Variants in ADAMTS6 observed in about 807,000 individuals in gnomAD.
ADAMTS6 encodes the protein A disintegrin and metalloproteinase with thrombospondin motifs 6.
ADAMTS6 carries 23 observed loss-of-function variants against 144.3 expected under a neutral mutation model. That is an observed-to-expected ratio of 0.16 (90% confidence interval 0.11 to 0.23). The LOEUF (loss-of-function observed/expected upper bound fraction) is 0.23, where lower values mean the gene tolerates loss of function less well. Among genes scored for constraint, ADAMTS6 ranks in the 10% least tolerant of loss-of-function variants. The pLI is 1.00. For missense variants in ADAMTS6, 999 were observed against 1,379.6 expected (o/e 0.72, Z 4.37); for synonymous variants, 444 against 457.5 (o/e 0.97, Z 0.38).
intron 24 of ADAMTS6, 130 bp from the exon 25 acceptor site, chr5:65,152,075 G>A: frequency 1.5e-6 from 1 of 655,538 alleles, no homozygotes; most frequent in Non-Finnish European, 2.6e-6. Flanking sequence ...ACCTCCATGT[G>A]GTTTTTGTTT....
At chr5:65,192,975 C>T (rs967992038) in intron 21 of ADAMTS6, among the ~76,000 whole-genome samples, 1 of 151,778 alleles carries the variant, frequency 6.6e-6, no homozygotes, top group African/African-American at 2.4e-5. Context: ...TGAAATATTT[C>T]ATTATTTGAA....
intron 14 of ADAMTS6, among the ~76,000 whole-genome samples, chr5:65,243,873 C>T (rs555180664): frequency 6.6e-6 from 1 of 151,846 alleles, no homozygotes; most frequent in Admixed American, 6.6e-5. Context: ...TCACACAGCA[C>T]TTAAGTATTT....
intron 14 of ADAMTS6, among the ~76,000 whole-genome samples, chr5:65,248,381 C>T (rs1759827585): frequency 6.6e-6 from 1 of 152,084 alleles, no homozygotes; most frequent in Non-Finnish European, 1.5e-5. Flanking sequence ...TAGTGTCATG[C>T]TTGATACTAT....
chr5:65,162,689 GAGATATATAAGACAGA>G (rs1752856310), intron 24 of ADAMTS6, among the ~76,000 whole-genome samples: 1 of 151,692 alleles, frequency 6.6e-6, no homozygotes, highest in Admixed American at 6.6e-5. Flanking sequence ...TTGTGTATGT[GAGATATATAAGACAGA>G]TAATATATAT....
At chr5:65,221,289 T>C (rs1757308604) in intron 18 of ADAMTS6, among the ~76,000 whole-genome samples, 1 of 152,164 alleles carries the variant, frequency 6.6e-6, no homozygotes, top group Non-Finnish European at 1.5e-5. Flanking sequence ...AGAGTAATAA[T>C]AGATCATGAA....
At chr5:65,373,741 C>T (rs1475766247) in intron 7 of ADAMTS6, among the ~76,000 whole-genome samples, 3 of 152,118 alleles carry the variant, frequency 2.0e-5, no homozygotes, top group Non-Finnish European at 4.4e-5. Context: ...AGAGGGAATC[C>T]TCCGTAACTC....
chr5:65,151,915 C>T lies in ADAMTS6; in HGVS notation c.3275G>A (p.Cys1092Tyr), dbSNP rs1752155409. ...ECKDVNKVAY[C>Y]PLVLKFKFCS... ...GAACTTGAACTTCAGCACCAGTGGG[C>T]AATAAGCCACTTTATTCACATCTTT... The change falls in exon 25 of 25, where the codon TGC becomes TAC. Residue 1092 changes from cysteine (C) to tyrosine (Y), a missense_variant. By Grantham distance (194) the Cys-to-Tyr change is radical. Coordinates refer to ENST00000381055, the MANE Select transcript of ADAMTS6 (RefSeq NM_197941.4). The T allele has an allele frequency of 6.2e-7, 1 of 1,613,644 alleles. No homozygotes were observed. The highest frequency in any genetic ancestry group is 8.5e-7 in the Non-Finnish European group (1 of 1,179,680).
rs1016011417 is a variant in ADAMTS6, at chr5:65,262,704, A to G, written c.1766+113T>C. ...CCTGTGCCTATGGCTTGTTCTGAAGACAAGTACTTGGCTCACTAGCGAAAC... is the reference window on the plus strand; with the variant it reads ...CCTGTGCCTATGGCTTGTTCTGAAGGCAAGTACTTGGCTCACTAGCGAAAC... On this transcript the variant is annotated intron_variant, in intron 13 of 24. Coordinates refer to ENST00000381055, the MANE Select transcript of ADAMTS6 (RefSeq NM_197941.4). 1.6e-5 allele frequency: 21 copies of G among 1,274,882 alleles called. No individual in the cohort carries two copies. The African/African-American group carries it at 3.3e-4, about 20-fold the overall frequency. The allele number at this position is 1,274,882 out of a possible 1,614,324, so 79.0% of individuals were successfully genotyped here. A position where few individuals can be genotyped will look rare whatever the true frequency, so the allele number is the denominator to read the frequency against.
intron 15 of ADAMTS6, among the ~76,000 whole-genome samples, chr5:65,227,322 A>T (rs1417746237): frequency 6.6e-6 from 1 of 152,218 alleles, no homozygotes; most frequent in Non-Finnish European, 1.5e-5. Context: ...AATTTTAAAA[A>T]ACAGAGTACA....
At chr5:65,321,061 T>C (rs879864172) in intron 9 of ADAMTS6, among the ~76,000 whole-genome samples, 28 of 152,238 alleles carry the variant, frequency 1.8e-4, no homozygotes, top group Admixed American at 2.6e-4. Flanking sequence ...TTTGGGTATA[T>C]ACCTAGTAAT....
At chr5:65,215,541 G>T in intron 18 of ADAMTS6, 54 bp from the exon 19 acceptor site, 1 of 1,502,964 alleles carries the variant, frequency 6.7e-7, no homozygotes, top group Non-Finnish European at 9.1e-7. Flanking sequence ...TTACCAAAGT[G>T]TCACTGATTA....
intron 7 of ADAMTS6, among the ~76,000 whole-genome samples, chr5:65,419,904 A>G (rs1755870055): frequency 6.6e-6 from 1 of 152,216 alleles, no homozygotes; most frequent in Non-Finnish European, 1.5e-5. Context: ...TGAAATTTAG[A>G]TAGTGGTGAT....
intron 14 of ADAMTS6, among the ~76,000 whole-genome samples, chr5:65,252,188 C>A (rs549461548): frequency 6.6e-6 from 1 of 152,060 alleles, no homozygotes; most frequent in African/African-American, 2.4e-5. Context: ...TAAAGTATTC[C>A]TTTTTGGTTG....
intron 2 of ADAMTS6, among the ~76,000 whole-genome samples, chr5:65,473,331 G>T (rs550823848): frequency 6.6e-6 from 1 of 152,016 alleles, no homozygotes; most frequent in Non-Finnish European, 1.5e-5. Flanking sequence ...AAGGCCTGGG[G>T]TCTATCATTT....
chr5:65,373,368 A>C (rs1262051252), intron 7 of ADAMTS6, among the ~76,000 whole-genome samples: 1 of 151,662 alleles, frequency 6.6e-6, no homozygotes, highest in Non-Finnish European at 1.5e-5. Context: ...TAGCAAGACT[A>C]ATAAAGAAAA....
intron 7 of ADAMTS6, among the ~76,000 whole-genome samples, chr5:65,376,623 G>T (rs1240241849): frequency 2.0e-5 from 3 of 151,900 alleles, no homozygotes; most frequent in Admixed American, 2.0e-4. Flanking sequence ...ATTGCCTCAG[G>T]AATTCAAGAC....
intron 7 of ADAMTS6, among the ~76,000 whole-genome samples, chr5:65,347,583 T>C (rs1017876355): frequency 3.3e-5 from 5 of 151,944 alleles, no homozygotes; most frequent in African/African-American, 9.7e-5. Context: ...CTCCACAACA[T>C]TGATCTGGGC....
At chr5:65,406,821 A>T (rs1364171163) in intron 7 of ADAMTS6, among the ~76,000 whole-genome samples, 1 of 151,960 alleles carries the variant, frequency 6.6e-6, no homozygotes, top group African/African-American at 2.4e-5. Flanking sequence ...TCCCATCAAT[A>T]CCTAGTTTAT....
intron 10 of ADAMTS6, among the ~76,000 whole-genome samples, chr5:65,297,489 A>C (rs1742954213): frequency 6.6e-6 from 1 of 152,192 alleles, no homozygotes; most frequent in African/African-American, 2.4e-5. Context: ...TGCAGTTCCT[A>C]AACAATTCAT....
Sources: allele counts gnomAD v4.1 joint callset (sites outside exome capture counted in the v4.1 genomes callset), GRCh38; gene constraint gnomAD v4.1.1; transcripts MANE v1.5; gene names NCBI Gene and HGNC (gene_info 2026-07-23, HGNC 2026-07-21).